PTPN5: variants seen among roughly 807,000 people sequenced by gnomAD.
The protein encoded by PTPN5 is protein tyrosine phosphatase non-receptor type 5.
Under a neutral mutation model 73.9 loss-of-function variants are expected in PTPN5, and 29 were observed. That is an observed-to-expected ratio of 0.39 (90% CI 0.29 to 0.54). The LOEUF is 0.54. Ranked by LOEUF, PTPN5 falls within the 20% of genes least tolerant of loss-of-function variation. The probability of loss-of-function intolerance (pLI) is 0.65; values close to 1 mark genes in which losing one functional copy is unlikely to be tolerated. For missense variants in PTPN5, 652 were observed against 751.4 expected (o/e 0.87, Z 1.55); for synonymous variants, 267 against 304.7 (o/e 0.88, Z 1.29).
chr11:18,748,765 T>C (rs1849751273), intron 3 of PTPN5, among the ~76,000 whole-genome samples: 1 of 152,192 alleles, frequency 6.6e-6, no homozygotes, highest in Non-Finnish European at 1.5e-5. Flanking sequence ...ACACATTTAT[T>C]AAGCGCCGAT....
Position 18,733,621 on chromosome 11 carries a change from C to T in PTPN5, c.1015G>A (p.Val339Met). 1 of 1,614,216 alleles carries T rather than the reference C, an allele frequency of 6.2e-7. No homozygotes were observed. Among genetic ancestry groups the T allele is most frequent in the Non-Finnish European group, 8.5e-7 (1 of 1,180,036 alleles). Residue 339 changes from valine to methionine, a missense_variant, in exon 10 of 15, where the codon GTG becomes ATG. Physicochemically the swap from Val to Met is conservative, Grantham distance 21 (BLOSUM62 1). This residue lies in a region of PTPN5 where 529 missense variants were observed against 573.9 expected (regional missense o/e 0.92). Transcript: ENST00000358540. This position sits in a 1 kb window ranked among gnomAD's most constrained non-coding sequence, Gnocchi z 4.3. ...KTILPNPHSRVCLTSPDPDDP... is the reference protein window; with the variant it reads ...KTILPNPHSRMCLTSPDPDDP... The stretch of plus-strand genomic sequence containing the variant: ...TCAGGGTCTGGTGAGGTCAGACACA[C>T]TCTGCTGTGAGGGTCTGGGGTGGTG...
intron 1 of PTPN5, among the ~76,000 whole-genome samples, chr11:18,788,219 T>C (rs1259297132): frequency 6.6e-6 from 1 of 152,178 alleles, no homozygotes; most frequent in African/African-American, 2.4e-5. Flanking sequence ...ATCTCTCACC[T>C]AAACCATTGT....
At chr11:18,755,958 C>T (rs192121959) in intron 3 of PTPN5, among the ~76,000 whole-genome samples, 35 of 140,210 alleles carry the variant, frequency 2.5e-4, no homozygotes, top group Admixed American at 8.5e-4. Flanking sequence ...GAGCCGAGAT[C>T]GTGCCACTGC....
rs1042568864 is a variant in PTPN5, at chr11:18,765,940, C to A, written c.21-57G>T. The A allele has an allele frequency of 6.9e-6, 9 of 1,305,766 alleles. No homozygotes were observed. The Admixed American group carries it at 1.8e-4, about 26-fold the overall frequency. 80.9% of individuals were successfully genotyped at this position (1,305,766 alleles called of 1,614,324 possible). On this transcript the variant is annotated intron_variant, in intron 2 of 14. Coordinates refer to ENST00000358540, the MANE Select transcript of PTPN5 (RefSeq NM_006906.2). ...TGTTGAGCCAGGATCAAGACAAAAA[C>A]CCTGAGCAAAGATAAGAAGGCTCCC...
intron 3 of PTPN5, among the ~76,000 whole-genome samples, chr11:18,760,793 T>C (rs534292706): frequency 6.6e-6 from 1 of 152,344 alleles, no homozygotes; most frequent in East Asian, 1.9e-4. Context: ...GCACTCCCCA[T>C]GAGCAGAGAA....
intron 1 of PTPN5, among the ~76,000 whole-genome samples, chr11:18,791,055 G>T (rs552432709): frequency 6.6e-6 from 1 of 152,188 alleles, no homozygotes; most frequent in Non-Finnish European, 1.5e-5. Context: ...AGGGGAGGGT[G>T]GGACGCGGGA....
At chr11:18,791,141 C>G (rs894440143) in intron 1 of PTPN5, among the ~76,000 whole-genome samples, 3 of 152,150 alleles carry the variant, frequency 2.0e-5, no homozygotes, top group Non-Finnish European at 4.4e-5. Context: ...AGAAGGCTAG[C>G]GGCGATTTCC....
At chr11:18,780,832 G>A (rs775644214) in intron 1 of PTPN5, among the ~76,000 whole-genome samples, 18 of 152,156 alleles carry the variant, frequency 1.2e-4, no homozygotes, top group Non-Finnish European at 7.3e-5. Context: ...AAACATGGAA[G>A]GCAGGTCCAG....
In PTPN5 at chr11:18,744,046, A is replaced by C. The variant is rs760809433; in HGVS notation, c.251T>G (p.Val84Gly). ...PRGAGSHSLT[V>G]RSSLCLFAAS... ...AGCGAACAGGCACAGGCTGCTCCTGACAGTGAGGGAGTGGCTCCCAGCGCC... is the reference window on the plus strand; with the variant it reads ...AGCGAACAGGCACAGGCTGCTCCTGCCAGTGAGGGAGTGGCTCCCAGCGCC... Residue 84 changes from valine (V) to glycine (G), a missense_variant, in exon 4 of 15, where the codon GTC (valine) becomes GGC (glycine). Physicochemically the swap from Val to Gly is moderately radical, Grantham distance 109 (BLOSUM62 -3). Transcript: ENST00000358540. The C allele has an allele frequency of 6.2e-7, 1 of 1,609,000 alleles. No homozygotes were observed. The highest frequency in any genetic ancestry group is 1.1e-5 in the South Asian group (1 of 90,224).
intron 1 of PTPN5, among the ~76,000 whole-genome samples, chr11:18,780,831 A>C (rs1005927494): frequency 6.6e-6 from 1 of 152,162 alleles, no homozygotes; most frequent in African/African-American, 2.4e-5. Flanking sequence ...AAAACATGGA[A>C]GGCAGGTCCA....
intron 9 of PTPN5, among the ~76,000 whole-genome samples, chr11:18,736,224 G>A (rs1385134829): frequency 6.6e-6 from 1 of 152,152 alleles, no homozygotes; most frequent in East Asian, 1.9e-4. Flanking sequence ...GACAGCTTGA[G>A]GCCAGAAGTT....
At position 18,728,945 on chromosome 11, in the gene PTPN5, A is replaced by C. The variant is rs1372995554; in HGVS notation, c.1687T>G (p.Ser563Ala). The change falls in exon 15 of 15, where the codon TCC (serine) becomes GCC (alanine). Residue 563 changes from serine (S) to alanine (A), a missense_variant. By Grantham distance (99) the Ser-to-Ala change is moderately conservative (BLOSUM62 1). Transcript: ENST00000358540. The surrounding 1 kb of genome is among the most constrained non-coding windows in gnomAD (Gnocchi z 4.1). ...TAGGAGAAGCGCAGTCATTCTGGGGACTGGTGGGACAGCTGCTTTTCGTAG... is the reference window on the plus strand; with the variant it reads ...TAGGAGAAGCGCAGTCATTCTGGGGCCTGGTGGGACAGCTGCTTTTCGTAG... ...SLYEKQLSHQ[S>A]PE 1 of 1,613,154 alleles carries C rather than the reference A, an allele frequency of 6.2e-7. No homozygotes were observed. The highest frequency in any genetic ancestry group is 1.1e-5 in the South Asian group (1 of 90,982).
At position 18,740,698 on chromosome 11, in the gene PTPN5, C is replaced by T. The variant is rs140838159; in HGVS notation, c.820G>A (p.Ala274Thr). 142 of 1,609,044 alleles carry T rather than the reference C, an allele frequency of 8.8e-5. No individual in the cohort carries two copies. Among genetic ancestry groups the T allele is most frequent in the African/African-American group, 3.1e-4 (23 of 74,726 alleles). Residue 274 changes from alanine to threonine, a missense_variant, in exon 8 of 15, where the codon GCC becomes ACC. Physicochemically the swap from Ala to Thr is moderately conservative, Grantham distance 58 (BLOSUM62 0). Transcript: ENST00000358540. Reference sequence around the variant, plus strand: ...GAGGCGCTGAGCAGGTACTCGCGGGCGGACTCCTCACGTGGGGACATGAGA... The same window carrying T: ...GAGGCGCTGAGCAGGTACTCGCGGGTGGACTCCTCACGTGGGGACATGAGA... Reference protein sequence around the residue: ...GYLMSPREESAREYLLSASRV... With the variant: ...GYLMSPREESTREYLLSASRV...
At chr11:18,777,947 AAAGAAAGG>A (rs1454111664) in intron 1 of PTPN5, among the ~76,000 whole-genome samples, 1 of 148,876 alleles carries the variant, frequency 6.7e-6, no homozygotes, top group Non-Finnish European at 1.5e-5. Flanking sequence ...CCTGTCAGAA[AAAGAAAGG>A]AAGAAAGGAA....
At chr11:18,758,608 CA>C (rs1466847773) in intron 3 of PTPN5, among the ~76,000 whole-genome samples, 6 of 151,924 alleles carry the variant, frequency 3.9e-5, no homozygotes, top group African/African-American at 7.3e-5. Flanking sequence ...GATCGTCAGG[CA>C]GCAACAGACA....
chr11:18,753,283 G>A (rs1455865833), intron 3 of PTPN5, among the ~76,000 whole-genome samples: 1 of 152,176 alleles, frequency 6.6e-6, no homozygotes, highest in Non-Finnish European at 1.5e-5. Flanking sequence ...GGTGTCAGGG[G>A]GCCTGGACTC....
chr11:18,773,926 C>T lies in PTPN5; in HGVS notation c.-113-1855G>A, dbSNP rs116180332. 4.6e-3 allele frequency among the ~76,000 whole-genome samples: 703 copies of T among 152,308 alleles called. 3 individuals are homozygous for T. Among genetic ancestry groups the T allele is most frequent in the African/African-American group, 0.016 (685 of 41,558 alleles). ...ACTGCCTCCTCATCACCCCCGTGACCATGAAGGACATCCTTCCCTTCACCC... is the reference window on the plus strand; with the variant it reads ...ACTGCCTCCTCATCACCCCCGTGACTATGAAGGACATCCTTCCCTTCACCC... On this transcript the variant is annotated intron_variant, in intron 1 of 14. Transcript: ENST00000358540.
At position 18,753,190 on chromosome 11, in the gene PTPN5, C is replaced by T. The variant is rs571144638; in HGVS notation, c.98-8991G>A. Among the ~76,000 whole-genome samples the T allele has an allele frequency of 2.9e-4, 44 of 152,324 alleles. 1 individual carries two copies. In the South Asian group the frequency reaches 8.9e-3, roughly 31 times the overall value. On this transcript the variant is annotated intron_variant, in intron 3 of 14. Coordinates refer to ENST00000358540, the MANE Select transcript of PTPN5 (RefSeq NM_006906.2). Reference sequence around the variant, plus strand: ...TCTTCAGCCCAAGGTCCCCCCAGGACAGCAGGGCAAATCCCAAGCCTCCAG... The same window carrying T: ...TCTTCAGCCCAAGGTCCCCCCAGGATAGCAGGGCAAATCCCAAGCCTCCAG...
rs1479290371 is a variant in PTPN5 at position 18,745,267 on chromosome 11, T to G, written c.98-1068A>C. Among the ~76,000 whole-genome samples, 3 of 152,208 alleles carry G rather than the reference T, an allele frequency of 2.0e-5. No homozygotes were observed. In the East Asian group the frequency reaches 5.8e-4, roughly 29 times the overall value. On this transcript the variant is annotated intron_variant, in intron 3 of 14. Coordinates refer to ENST00000358540, the MANE Select transcript of PTPN5 (RefSeq NM_006906.2). ...TCATGCTGTATATGGGACAATGGAC[T>G]TGGGTGACAACAGAACCATGTGGGC...
Sources: gnomAD v4.1 joint callset for allele counts (sites outside exome capture counted in the v4.1 genomes callset) on GRCh38, gnomAD v4.1.1 for gene constraint, gnomAD v4.1.1 regional missense constraint, Gnocchi (gnomAD v3.1) non-coding constraint, MANE v1.5 for transcripts, NCBI Gene and HGNC (gene_info 2026-07-23, HGNC 2026-07-21) for gene names.